CIMIP2A: variants seen among roughly 807,000 people sequenced by gnomAD.
The protein encoded by CIMIP2A is ciliary microtubule inner protein 2A.
the CIMIP2A span, chr9:137,253,336 C>T: frequency 6.5e-7 from 1 of 1,547,092 alleles, no homozygotes; most frequent in African/African-American, 1.4e-5. Context: ...GGACTTGGGG[C>T]CCCAGCCTGG....
At chr9:137,252,826 G>T in the CIMIP2A span, 1 of 1,569,326 alleles carries the variant, frequency 6.4e-7, no homozygotes. Flanking sequence ...CCCTGCTTCA[G>T]GCCTCTTTGC....
At chr9:137,251,413 G>A in the CIMIP2A span, 1 of 1,584,854 alleles carries the variant, frequency 6.3e-7, no homozygotes, top group African/African-American at 1.3e-5. Flanking sequence ...GGCGGAGAGG[G>A]GGAGAAGGGG....
the CIMIP2A span, chr9:137,251,649 G>T: frequency 6.8e-7 from 1 of 1,474,936 alleles, no homozygotes; most frequent in Non-Finnish European, 9.1e-7. Context: ...AGCAGCCGGG[G>T]GCTGAGGGAC....
the CIMIP2A span, chr9:137,252,776 C>T: frequency 3.2e-6 from 5 of 1,562,096 alleles, no homozygotes; most frequent in African/African-American, 5.4e-5. Context: ...CCTAGGGCTG[C>T]CTGGGGCTAG....
chr9:137,243,765 T>A, the CIMIP2A span: 1 of 1,614,058 alleles, frequency 6.2e-7, no homozygotes, highest in Non-Finnish European at 8.5e-7. Context: ...TTGCCGAATG[T>A]CAGGGCGTAG....
chr9:137,252,637 C>A, the CIMIP2A span: 10 of 1,458,608 alleles, frequency 6.9e-6, no homozygotes, highest in Admixed American at 4.9e-5. Context: ...CCCTGCCCTG[C>A]AGCCCGTCTC....
chr9:137,250,953 C>T, the CIMIP2A span: 1,269 of 357,068 alleles, frequency 3.6e-3, 15 homozygotes, highest in African/African-American at 0.025. Context: ...TCCCTCCACC[C>T]CCTCTGCTGA....
chr9:137,245,344 C>T, the CIMIP2A span: 4 of 1,602,322 alleles, frequency 2.5e-6, no homozygotes, highest in African/African-American at 4.0e-5. Flanking sequence ...AGGAGTGGCG[C>T]TCTTCCAGGC....
chr9:137,254,920 G>T, the CIMIP2A span, among the ~76,000 whole-genome samples: 1 of 152,214 alleles, frequency 6.6e-6, no homozygotes. Flanking sequence ...CCCGTTTCAC[G>T]CGGAGGAACC....
the CIMIP2A span, chr9:137,244,652 T>G: frequency 6.2e-7 from 1 of 1,613,772 alleles, no homozygotes; most frequent in Non-Finnish European, 8.5e-7. Flanking sequence ...CTGGCTCTTG[T>G]CGAATTCGTC....
chr9:137,252,544 A>C, the CIMIP2A span: 1 of 271,160 alleles, frequency 3.7e-6, no homozygotes, highest in Non-Finnish European at 5.7e-6. Flanking sequence ...CTGGGCAGGA[A>C]GGGGGCGGGG....
the CIMIP2A span, among the ~76,000 whole-genome samples, chr9:137,254,989 G>C: frequency 6.6e-6 from 1 of 152,238 alleles, no homozygotes; most frequent in Admixed American, 6.5e-5. Flanking sequence ...GGGGCGGGGA[G>C]CTCAACCCCC....
chr9:137,245,556 A>G, the CIMIP2A span: 1,107 of 1,613,712 alleles, frequency 6.9e-4, 16 homozygotes, highest in East Asian at 0.021. Context: ...AGGGCTTCAG[A>G]CCTGTACCAA....
At chr9:137,247,394 G>A in the CIMIP2A span, among the ~76,000 whole-genome samples, 1,135 of 152,386 alleles carry the variant, frequency 7.4e-3, 15 homozygotes, top group African/African-American at 0.026. Flanking sequence ...GTTTCTGCTC[G>A]ACAGACGTGC....
At chr9:137,244,019 G>A in the CIMIP2A span, 6 of 903,326 alleles carry the variant, frequency 6.6e-6, no homozygotes, top group Middle Eastern at 3.4e-4. Flanking sequence ...AAGGGGTAGG[G>A]AGGATGGCAG....
the CIMIP2A span, chr9:137,245,103 C>T: frequency 4.2e-5 from 68 of 1,609,364 alleles, no homozygotes; most frequent in Non-Finnish European, 5.1e-5. Context: ...GATGGCCTTG[C>T]GTTGGATTAG....
chr9:137,249,272 G>A, the CIMIP2A span, among the ~76,000 whole-genome samples: 18 of 152,098 alleles, frequency 1.2e-4, no homozygotes, highest in Non-Finnish European at 2.5e-4. Flanking sequence ...GCTTACTGCC[G>A]GCAGGGTCAC....
chr9:137,253,388 G>T, the CIMIP2A span: 1 of 1,508,106 alleles, frequency 6.6e-7, no homozygotes, highest in Non-Finnish European at 8.8e-7. Context: ...CTTCTGGCTG[G>T]CCAACCCTTC....
chr9:137,247,689 G>C, the CIMIP2A span: 4 of 1,613,478 alleles, frequency 2.5e-6, no homozygotes, highest in South Asian at 1.1e-5. Flanking sequence ...CCGGCGTGAA[G>C]AGATCGTGTT....
Sources: allele counts gnomAD v4.1 joint callset (sites outside exome capture counted in the v4.1 genomes callset), GRCh38; gene constraint gnomAD v4.1.1; transcripts MANE v1.5; gene names NCBI Gene and HGNC (gene_info 2026-07-23, HGNC 2026-07-21).